The following SMARCAD1 variants were observed in gnomAD, a reference collection of about 807,000 sequenced individuals.
SMARCAD1 encodes the protein SWI/SNF-related matrix-associated actin-dependent regulator of chromatin subfamily A containing DEAD/H box 1.
SMARCAD1 carries 25 observed loss-of-function variants against 127.1 expected under a neutral mutation model. That is an observed-to-expected ratio of 0.20 (90% CI 0.14 to 0.27). The LOEUF (loss-of-function observed/expected upper bound fraction) is 0.27, where lower values mean the gene tolerates loss of function less well. Among genes scored for constraint, SMARCAD1 ranks in the 10% least tolerant of loss-of-function variants. The probability of loss-of-function intolerance (pLI) is 1.00; values close to 1 mark genes in which losing one functional copy is unlikely to be tolerated. For missense variants in SMARCAD1, 807 were observed against 1,206.0 expected (o/e 0.67, Z 4.90); for synonymous variants, 400 against 396.9 (o/e 1.01, Z -0.09).
At chr4:94,234,944 G>A in intron 4 of SMARCAD1, among the ~76,000 whole-genome samples, 1 of 152,074 alleles carries the variant, frequency 6.6e-6, no homozygotes, top group East Asian at 1.9e-4. Context: ...GGTAGCTGCT[G>A]TCTAGCTTCA....
At chr4:94,247,837 G>GT (rs1218755386) in intron 6 of SMARCAD1, among the ~76,000 whole-genome samples, 10 of 152,126 alleles carry the variant, frequency 6.6e-5, no homozygotes, top group Admixed American at 1.3e-4. Flanking sequence ...TGTTTTATTT[G>GT]TTTTTTCTTT....
chr4:94,229,017 T>C (rs954957652), intron 3 of SMARCAD1, among the ~76,000 whole-genome samples: 2 of 152,132 alleles, frequency 1.3e-5, no homozygotes, highest in African/African-American at 4.8e-5. Context: ...TCGTCCTCAG[T>C]GTGTCATATC....
intron 2 of SMARCAD1, among the ~76,000 whole-genome samples, chr4:94,217,912 TCA>T (rs1480112471): frequency 6.6e-6 from 1 of 152,244 alleles, no homozygotes; most frequent in Non-Finnish European, 1.5e-5. Flanking sequence ...ACATTTTCTT[TCA>T]GTTACACTTG....
chr4:94,214,356 G>C (rs1430366183), intron 2 of SMARCAD1, among the ~76,000 whole-genome samples: 9 of 151,142 alleles, frequency 6.0e-5, no homozygotes, highest in Admixed American at 2.0e-4. Flanking sequence ...TCTGCTCTCG[G>C]GTTCATGCCA....
In SMARCAD1 at chr4:94,277,026, A is replaced by C; in HGVS notation, c.1949A>C (p.Asn650Thr). ...RYQHLMTINA[N>T]NRLLLTGTPV... ...AAATTTTACCTTCATTCACAGGCAAATAACCGTTTGCTGCTCACAGGCACA... is the reference window on the plus strand; with the variant it reads ...AAATTTTACCTTCATTCACAGGCAACTAACCGTTTGCTGCTCACAGGCACA... Residue 650 changes from asparagine (N) to threonine (T), a missense_variant, in exon 16 of 24, where the codon AAT (asparagine) becomes ACT (threonine). Around this residue, in one of 8 missense-constraint regions of SMARCAD1, gnomAD observed 148 missense variants for 313.2 expected, o/e 0.47. Coordinates refer to ENST00000354268, the MANE Select transcript of SMARCAD1 (RefSeq NM_020159.5). 6.2e-7 allele frequency: 1 copy of C among 1,614,052 alleles called. No homozygotes were observed. Among genetic ancestry groups the C allele is most frequent in the Non-Finnish European group, 8.5e-7 (1 of 1,179,964 alleles).
At chr4:94,262,671 TTC>T (rs1376168554) in intron 9 of SMARCAD1, among the ~76,000 whole-genome samples, 2 of 152,168 alleles carry the variant, frequency 1.3e-5, no homozygotes, top group East Asian at 1.9e-4. Context: ...ATTAAAACAG[TTC>T]TTTTATTATT....
intron 6 of SMARCAD1, among the ~76,000 whole-genome samples, 170 bp downstream of exon 6, chr4:94,241,176 A>C (rs1374451214): frequency 5.9e-5 from 9 of 152,180 alleles, no homozygotes. Flanking sequence ...TTTTTAATTT[A>C]TCCAGTATGA....
intron 22 of SMARCAD1, among the ~76,000 whole-genome samples, chr4:94,283,946 C>G (rs1395614639): frequency 1.3e-5 from 2 of 152,146 alleles, no homozygotes; most frequent in East Asian, 3.9e-4. Context: ...GCTGGGCTGT[C>G]CTGTTACCCT....
At chr4:94,251,358 G>A (rs1188448267) in intron 8 of SMARCAD1, among the ~76,000 whole-genome samples, 1 of 152,190 alleles carries the variant, frequency 6.6e-6, no homozygotes, top group Non-Finnish European at 1.5e-5. Flanking sequence ...ACATACCTAA[G>A]GAAGAATCAA....
At position 94,208,329 on chromosome 4, in the gene SMARCAD1, T is replaced by G; in HGVS notation, c.-49-17T>G. On this transcript the variant is annotated splice_polypyrimidine_tract_variant and intron_variant, in intron 1 of 23. Coordinates refer to ENST00000354268, the MANE Select transcript of SMARCAD1 (RefSeq NM_020159.5). ...GTTTTCATGGCCTTTTTTCCTCTCT[T>G]TATTTTTCCCCTGCAGATAGTTCAT... The G allele has an allele frequency of 6.5e-7, 1 of 1,543,730 alleles. No individual in the cohort carries two copies. Among genetic ancestry groups the G allele is most frequent in the Non-Finnish European group, 8.9e-7 (1 of 1,117,672 alleles).
intron 3 of SMARCAD1, among the ~76,000 whole-genome samples, chr4:94,228,918 C>G (rs28470897): frequency 0.14 from 21,912 of 151,878 alleles, 1,801 homozygotes; most frequent in Non-Finnish European, 0.19. Flanking sequence ...TAGAATTTTT[C>G]TAAATTTGGG....
In SMARCAD1 at chr4:94,274,910, C is replaced by A; in HGVS notation, c.1753C>A (p.Gln585Lys). The change falls in exon 14 of 24, where the codon CAA becomes AAA. Residue 585 changes from glutamine to lysine, a missense_variant. Physicochemically the swap from Gln to Lys is moderately conservative, Grantham distance 53. This residue lies in a region of SMARCAD1 where 148 missense variants were observed against 313.2 expected (regional missense o/e 0.47). Coordinates refer to ENST00000354268, the MANE Select transcript of SMARCAD1 (RefSeq NM_020159.5). Reference protein sequence around the residue: ...CYYGSQEERKQIRFNIHSRYE... With the variant: ...CYYGSQEERKKIRFNIHSRYE... ...TCTAGGTTCTCAAGAAGAACGTAAA[C>A]AAATTAGATTTAACATTCATAGTAG... 6.2e-7 allele frequency: 1 copy of A among 1,601,900 alleles called. No individual in the cohort carries two copies. Among genetic ancestry groups the A allele is most frequent in the Non-Finnish European group, 8.6e-7 (1 of 1,169,526 alleles).
At chr4:94,209,107 A>C (rs1741764056) in intron 2 of SMARCAD1, among the ~76,000 whole-genome samples, 1 of 152,246 alleles carries the variant, frequency 6.6e-6, no homozygotes, top group Non-Finnish European at 1.5e-5. Flanking sequence ...CTTCATGGTG[A>C]ATGAACATTT....
At chr4:94,278,068 C>A (rs1753548488) in intron 16 of SMARCAD1, among the ~76,000 whole-genome samples, 1 of 152,060 alleles carries the variant, frequency 6.6e-6, no homozygotes, top group Non-Finnish European at 1.5e-5. Flanking sequence ...GATTTTCTAC[C>A]CCCCACGCTC....
At chr4:94,244,524 G>A (rs1349603709) in intron 6 of SMARCAD1, among the ~76,000 whole-genome samples, 2 of 152,126 alleles carry the variant, frequency 1.3e-5, no homozygotes, top group Non-Finnish European at 2.9e-5. Context: ...TAGGATTTAA[G>A]GCTCCTAAAG....
At chr4:94,285,114 C>T (rs1268340045) in intron 23 of SMARCAD1, 45 bp downstream of exon 23, 1 of 1,218,270 alleles carries the variant, frequency 8.2e-7, no homozygotes, top group Admixed American at 1.7e-5. Flanking sequence ...TCTATATGAC[C>T]ATGCATCTAA....
At chr4:94,220,586 ATGTTCCCTGAGGAC>A (rs1409769604) in intron 2 of SMARCAD1, among the ~76,000 whole-genome samples, 2 of 152,172 alleles carry the variant, frequency 1.3e-5, no homozygotes, top group Non-Finnish European at 2.9e-5. Flanking sequence ...AACTTTTTGA[ATGTTCCCTGAGGAC>A]TTCTGAGGGT....
In SMARCAD1 at chr4:94,273,553, T is replaced by C. The variant is rs1387889403; in HGVS notation, c.1573-64T>C. ...CACAGAATTACTGCTTTTTCTTCTG[T>C]ATTTTTATGTATTTATTTTTTGTTT... On this transcript the variant is annotated intron_variant, in intron 11 of 23. Coordinates refer to ENST00000354268, the MANE Select transcript of SMARCAD1 (RefSeq NM_020159.5). The C allele has an allele frequency of 5.0e-6, 6 of 1,195,072 alleles. No individual in the cohort carries two copies. The Admixed American group carries it at 9.6e-5, about 19-fold the overall frequency. 74.0% of individuals were successfully genotyped at this position (1,195,072 alleles called of 1,614,324 possible). A position where few individuals can be genotyped will look rare whatever the true frequency, so the allele number is the denominator to read the frequency against.
At chr4:94,280,808 G>C (rs758462309) in intron 20 of SMARCAD1, 28 bp downstream of exon 20, 1 of 1,605,386 alleles carries the variant, frequency 6.2e-7, no homozygotes, top group South Asian at 1.1e-5. Context: ...CGTTTCTTTT[G>C]TATTTTCTCA....
Sources: gnomAD v4.1 joint callset for allele counts (sites outside exome capture counted in the v4.1 genomes callset) on GRCh38, gnomAD v4.1.1 for gene constraint, gnomAD v4.1.1 regional missense constraint, MANE v1.5 for transcripts, NCBI Gene and HGNC (gene_info 2026-07-23, HGNC 2026-07-21) for gene names.